The following CKAP5 variants were observed in gnomAD, a reference collection of about 807,000 sequenced individuals.
The protein encoded by CKAP5 is cytoskeleton associated protein 5.
CKAP5 carries 27 observed loss-of-function variants against 232.8 expected under a neutral mutation model. That is an observed-to-expected ratio of 0.12 (90% CI 0.09 to 0.16). The LOEUF (loss-of-function observed/expected upper bound fraction) is 0.16, where lower values mean the gene tolerates loss of function less well. Among genes scored for constraint, CKAP5 ranks in the 10% least tolerant of loss-of-function variants. CKAP5 has a pLI of 1.00. For synonymous variants in CKAP5, 785 were observed against 841.1 expected, an observed-to-expected ratio of 0.93 and a Z score of 1.16; for missense variants, 1,838 against 2,424.7, an observed-to-expected ratio of 0.76 and a Z score of 5.08.
intron 11 of CKAP5, 30 bp from the exon 12 acceptor site, chr11:46,796,970 T>C (rs775054564): frequency 6.2e-7 from 1 of 1,610,818 alleles, no homozygotes; most frequent in Non-Finnish European, 8.5e-7. Context: ...AAAATGATAT[T>C]AATGCAAGGT....
In CKAP5 at chr11:46,816,350, T is replaced by G; in HGVS notation, c.306A>C (p.Lys102Asn). The G allele has an allele frequency of 6.2e-7, 1 of 1,614,130 alleles. No individual in the cohort carries two copies. Among genetic ancestry groups the G allele is most frequent in the Non-Finnish European group, 8.5e-7 (1 of 1,180,016 alleles). Reference sequence around the variant, plus strand: ...CTATGCCCAGCTCCTTGGCTTTAGCTTTAGGTTGATTGAACACCTTACTTA... The same window carrying G: ...CTATGCCCAGCTCCTTGGCTTTAGCGTTAGGTTGATTGAACACCTTACTTA... Reference protein sequence around the residue: ...GVVSKVFNQPKAKAKELGIEI... With the variant: ...GVVSKVFNQPNAKAKELGIEI... The change falls in exon 4 of 44, where the codon AAA becomes AAC. Residue 102 changes from lysine to asparagine, a missense_variant. By Grantham distance (94) the Lys-to-Asn change is moderately conservative (BLOSUM62 0). Around this residue, in one of 6 missense-constraint regions of CKAP5, gnomAD observed 285 missense variants for 300.0 expected, o/e 0.95. Coordinates refer to ENST00000529230, the MANE Select transcript of CKAP5 (RefSeq NM_001008938.4).
intron 23 of CKAP5, among the ~76,000 whole-genome samples, chr11:46,777,226 T>C (rs767538171): frequency 2.6e-5 from 4 of 152,310 alleles, no homozygotes; most frequent in Admixed American, 6.5e-5. Context: ...TCAACAAAGA[T>C]AGCTTATCTA....
chr11:46,798,267 CTAAGT>C (rs1938938534), intron 9 of CKAP5, 95 bp from the exon 10 acceptor site: 1 of 913,178 alleles, frequency 1.1e-6, no homozygotes, highest in Admixed American at 2.2e-5. Context: ...AAATAGTATG[CTAAGT>C]TAAAAAAAAA....
At chr11:46,823,034 C>T (rs767939413) in intron 1 of CKAP5, among the ~76,000 whole-genome samples, 1 of 152,052 alleles carries the variant, frequency 6.6e-6, no homozygotes, top group African/African-American at 2.4e-5. Context: ...GATCTTGGCT[C>T]GCTGCAACCT....
chr11:46,826,859 T>G (rs560733872), intron 1 of CKAP5: 2 of 155,062 alleles, frequency 1.3e-5, no homozygotes, highest in Non-Finnish European at 2.9e-5. Flanking sequence ...GCATTGGTGC[T>G]GCGGTCCGCT....
In CKAP5 at chr11:46,784,617, G is replaced by A. The variant is rs2065375213; in HGVS notation, c.2025C>T (p.Ser675=). 5 of 1,613,912 alleles carry A rather than the reference G, an allele frequency of 3.1e-6. No homozygotes were observed. The highest frequency in any genetic ancestry group is 4.2e-6 in the Non-Finnish European group (5 of 1,179,948). The part of the protein sequence containing the change: ...VALIAQKGNF[S]KTSAQVVLDG... ...CTAATACAACCTGAGCTGACGTTTT[G>A]GAAAAATTTCCCTTCTGGGCAATCA... The change falls in exon 17 of 44, where the codon TCC becomes TCT. Residue 675 remains serine (S), a synonymous_variant. Coordinates refer to ENST00000529230, the MANE Select transcript of CKAP5 (RefSeq NM_001008938.4).
chr11:46,755,060 T>C lies in CKAP5; in HGVS notation c.4697A>G (p.Glu1566Gly). ...TSIQALTQID[E>G]VLRQEDKAEA... ...AGCTTTGTCTTCCTGTCTCAGGACC[T>C]CATCGATCTGATAACAAAAATTTCA... The change falls in exon 36 of 44, where the codon GAG (glutamate) becomes GGG (glycine). Residue 1566 changes from glutamate (E) to glycine (G), a missense_variant. Glu to Gly is a moderately conservative substitution (Grantham distance 98). Coordinates refer to ENST00000529230, the MANE Select transcript of CKAP5 (RefSeq NM_001008938.4). 1.3e-6 allele frequency: 2 copies of C among 1,596,172 alleles called. No individual in the cohort carries two copies. The highest frequency in any genetic ancestry group is 8.5e-7 in the Non-Finnish European group (1 of 1,173,646).
intron 8 of CKAP5, among the ~76,000 whole-genome samples, chr11:46,806,212 T>C (rs1015560645): frequency 2.0e-5 from 3 of 152,212 alleles, no homozygotes; most frequent in Non-Finnish European, 4.4e-5. Flanking sequence ...GCTCTCTCTT[T>C]ATATAGTACA....
intron 3 of CKAP5, among the ~76,000 whole-genome samples, chr11:46,817,859 G>T (rs1939440059): frequency 6.6e-6 from 1 of 152,050 alleles, no homozygotes; most frequent in Admixed American, 6.6e-5. Flanking sequence ...AATGCCTAAT[G>T]AACAAAGGGA....
At chr11:46,835,667 C>T (rs564287985) in intron 1 of CKAP5, among the ~76,000 whole-genome samples, 2 of 152,054 alleles carry the variant, frequency 1.3e-5, no homozygotes, top group Non-Finnish European at 2.9e-5. Flanking sequence ...AAGATACAAA[C>T]AGTGGAATAA....
chr11:46,834,519 C>CAAAAAAAA (rs35792132), intron 1 of CKAP5, among the ~76,000 whole-genome samples: 2 of 53,574 alleles, frequency 3.7e-5, no homozygotes, highest in Non-Finnish European at 7.5e-5. Context: ...AACTCCATCT[C>CAAAAAAAA]AAAAAAAAAA....
At chr11:46,825,298 T>C (rs1939626927) in intron 1 of CKAP5, among the ~76,000 whole-genome samples, 1 of 152,166 alleles carries the variant, frequency 6.6e-6, no homozygotes, top group African/African-American at 2.4e-5. Context: ...GTGCATTTTC[T>C]CATTAACCAA....
chr11:46,780,122 T>C (rs753651959), intron 20 of CKAP5, 72 bp downstream of exon 20: 66 of 1,542,434 alleles, frequency 4.3e-5, no homozygotes, highest in Non-Finnish European at 5.4e-5. Context: ...CGTGCACCAC[T>C]ACACCCAACA....
intron 8 of CKAP5, among the ~76,000 whole-genome samples, chr11:46,801,606 G>A (rs1475383471): frequency 6.6e-6 from 1 of 151,880 alleles, no homozygotes; most frequent in Admixed American, 6.6e-5. Flanking sequence ...GGAGGCGGAG[G>A]CTGCAGTGAG....
chr11:46,748,158 A>C (rs1340788262), intron 42 of CKAP5, among the ~76,000 whole-genome samples: 1 of 152,118 alleles, frequency 6.6e-6, no homozygotes, highest in Non-Finnish European at 1.5e-5. Flanking sequence ...GAGACCTTTA[A>C]AGGGCCTTTT....
intron 5 of CKAP5, among the ~76,000 whole-genome samples, chr11:46,810,485 T>TA (rs1175251074): frequency 6.6e-6 from 1 of 152,040 alleles, no homozygotes; most frequent in Non-Finnish European, 1.5e-5. Flanking sequence ...ATTTTTTTTT[T>TA]ATTATTTGTA....
intron 33 of CKAP5, chr11:46,760,353 T>G (rs1168509818): frequency 9.7e-6 from 6 of 620,940 alleles, no homozygotes; most frequent in Non-Finnish European, 1.5e-5. Flanking sequence ...AGTACTTACA[T>G]CCTATAAGTG....
At chr11:46,824,889 G>GAA (rs1377433409) in intron 1 of CKAP5, among the ~76,000 whole-genome samples, 1 of 152,180 alleles carries the variant, frequency 6.6e-6, no homozygotes, top group South Asian at 2.1e-4. Flanking sequence ...CATAATGCTT[G>GAA]CTGTGGTTTA....
intron 2 of CKAP5, chr11:46,820,909 G>A: frequency 2.5e-6 from 1 of 399,056 alleles, no homozygotes; most frequent in Non-Finnish European, 4.5e-6. Context: ...TATACAAGGA[G>A]ATGAAAAAAC....
Sources: allele counts gnomAD v4.1 joint callset (sites outside exome capture counted in the v4.1 genomes callset), GRCh38; gene constraint gnomAD v4.1.1; regional missense constraint gnomAD v4.1.1; transcripts MANE v1.5; gene names NCBI Gene and HGNC (gene_info 2026-07-23, HGNC 2026-07-21).